EYS: variants seen among roughly 807,000 people sequenced by gnomAD.
EYS encodes the protein protein eyes shut homolog.
EYS carries 250 observed loss-of-function variants against 282.1 expected under a neutral mutation model. That is an observed-to-expected ratio of 0.89 (90% confidence interval 0.80 to 0.98). EYS has a LOEUF of 0.98. EYS is among the 50% of genes least tolerant of loss of function. EYS has a pLI of 0.00. For missense variants in EYS, 4,016 were observed against 3,709.0 expected (o/e 1.08, Z -2.15); for synonymous variants, 1,355 against 1,282.9 (o/e 1.06, Z -1.20).
chr6:65,639,589 A>G (rs1241954135), intron 2 of EYS, among the ~76,000 whole-genome samples, 189 bp downstream of exon 2: 1 of 152,194 alleles, frequency 6.6e-6, no homozygotes, highest in African/African-American at 2.4e-5. Flanking sequence ...GCGGATCTAA[A>G]GTGAATTTAA....
chr6:64,022,652 T>G (rs575024736), intron 33 of EYS, among the ~76,000 whole-genome samples: 1 of 152,218 alleles, frequency 6.6e-6, no homozygotes. Flanking sequence ...TGTTATTCTC[T>G]GCAAGCGTGG....
chr6:65,275,822 A>T (rs149051125), intron 12 of EYS, among the ~76,000 whole-genome samples: 19 of 152,300 alleles, frequency 1.2e-4, no homozygotes, highest in African/African-American at 3.6e-4. Context: ...AAACATTGTC[A>T]TCACAGAAGG....
At chr6:64,125,175 T>TCTCTCTCGCGCGCG (rs1562213596) in intron 31 of EYS, among the ~76,000 whole-genome samples, 1 of 150,304 alleles carries the variant, frequency 6.7e-6, no homozygotes, top group African/African-American at 2.5e-5. Context: ...TCTCTCTCTC[T>TCTCTCTCGCGCGCG]CGCTCTCTCT....
intron 26 of EYS, among the ~76,000 whole-genome samples, chr6:64,525,877 C>T (rs1777901065): frequency 6.6e-6 from 1 of 151,418 alleles, no homozygotes; most frequent in African/African-American, 2.4e-5. Context: ...GCATTCAAAC[C>T]CAGAGAAATG....
intron 2 of EYS, among the ~76,000 whole-genome samples, chr6:65,515,403 A>G (rs1160971369): frequency 6.6e-6 from 1 of 152,126 alleles, no homozygotes; most frequent in South Asian, 2.1e-4. Context: ...GGGATCTAGA[A>G]CTAGAAATAC....
chr6:64,509,902 T>G (rs1777330771), intron 26 of EYS, among the ~76,000 whole-genome samples: 1 of 152,196 alleles, frequency 6.6e-6, no homozygotes, highest in African/African-American at 2.4e-5. Flanking sequence ...TGTATGTTAA[T>G]TCCTCTCTCC....
In EYS at chr6:64,803,517, C is replaced by T. The variant is rs1049203581; in HGVS notation, c.3443+9861G>A. ...ACTGACAGCCTGGCCCCATGCTTCA[C>T]GCCTTCCCTGGCTTGAAGGTGGGGC... On this transcript the variant is annotated intron_variant, in intron 22 of 42. Coordinates refer to ENST00000503581, the MANE Select transcript of EYS (RefSeq NM_001142800.2). Among the ~76,000 whole-genome samples the T allele has an allele frequency of 1.2e-4, 18 of 152,298 alleles. No homozygotes were observed. In the South Asian group the frequency reaches 1.9e-3, roughly 16 times the overall value.
At chr6:63,998,804 T>G (rs186762267) in intron 34 of EYS, among the ~76,000 whole-genome samples, 2,065 of 151,928 alleles carry the variant, frequency 0.014, 43 homozygotes, top group African/African-American at 0.046. Flanking sequence ...TTTTTTTTTT[T>G]TTTAAAGTCA....
chr6:65,594,360 T>C (rs1765334053), intron 2 of EYS, among the ~76,000 whole-genome samples: 2 of 152,058 alleles, frequency 1.3e-5, no homozygotes, highest in South Asian at 4.1e-4. Flanking sequence ...TTTTTCTTTT[T>C]CATTTTGTAT....
intron 29 of EYS, among the ~76,000 whole-genome samples, chr6:64,375,575 A>G (rs1247967924): frequency 6.6e-6 from 1 of 152,210 alleles, no homozygotes; most frequent in African/African-American, 2.4e-5. Context: ...GATATGGCAG[A>G]TACTATCTAC....
chr6:64,813,257 T>C (rs1258751910), intron 22 of EYS, 121 bp downstream of exon 22: 4 of 629,818 alleles, frequency 6.4e-6, no homozygotes, highest in Non-Finnish European at 5.2e-6. Context: ...TGCTTATATA[T>C]ATATAAGGTA....
At chr6:64,329,843 C>A (rs555705317) in intron 29 of EYS, among the ~76,000 whole-genome samples, 1 of 152,232 alleles carries the variant, frequency 6.6e-6, no homozygotes, top group East Asian at 1.9e-4. Flanking sequence ...TTGTGTCCAA[C>A]CCATATACAA....
intron 13 of EYS, among the ~76,000 whole-genome samples, chr6:65,043,284 G>C (rs1023685578): frequency 6.6e-6 from 1 of 151,206 alleles, no homozygotes; most frequent in Non-Finnish European, 1.5e-5. Flanking sequence ...ATTTTATAAG[G>C]GTGAATTGTG....
intron 12 of EYS, among the ~76,000 whole-genome samples, chr6:65,058,582 T>A (rs916442740): frequency 1.3e-5 from 2 of 150,918 alleles, no homozygotes; most frequent in Non-Finnish European, 3.0e-5. Flanking sequence ...GATGAATTAC[T>A]TTTTTTCTAG....
chr6:65,214,499 T>C (rs907642031), intron 12 of EYS, among the ~76,000 whole-genome samples: 2 of 152,190 alleles, frequency 1.3e-5, no homozygotes, highest in African/African-American at 4.8e-5. Flanking sequence ...GTAGCAGAAG[T>C]TGGATCTTAA....
Position 64,306,990 on chromosome 6 carries a change from G to A in EYS, c.6171C>T (p.Asn2057=), listed in dbSNP as rs1769471328. ...TTTACCTGCAATTGTTAATGTGATA[G>A]TTTTTCACTGCCTTGGATGGAATGA... ...RSFIPSKAVK[N]YHINNCRSQG... The change falls in exon 30 of 43, where the codon AAC becomes AAT. Residue 2057 remains asparagine, a synonymous_variant. Transcript: ENST00000503581. 6.6e-7 allele frequency: 1 copy of A among 1,522,566 alleles called. No individual in the cohort carries two copies. Among genetic ancestry groups the A allele is most frequent in the Non-Finnish European group, 8.9e-7 (1 of 1,123,120 alleles). 94.3% of individuals were successfully genotyped at this position (1,522,566 alleles called of 1,614,324 possible).
At chr6:64,465,435 A>G (rs1173066871) in intron 26 of EYS, among the ~76,000 whole-genome samples, 4 of 152,168 alleles carry the variant, frequency 2.6e-5, no homozygotes, top group African/African-American at 4.8e-5. Flanking sequence ...AGAGAACAGA[A>G]CAGAGAGTCC....
intron 35 of EYS, among the ~76,000 whole-genome samples, chr6:63,946,726 A>ATT (rs10580253): frequency 2.1e-4 from 28 of 135,652 alleles, no homozygotes; most frequent in Non-Finnish European, 4.0e-4. Flanking sequence ...TTTATGAACT[A>ATT]TTTTTTTTTT....
chr6:64,088,596 G>GT (rs1398080635), intron 31 of EYS, among the ~76,000 whole-genome samples: 1 of 151,934 alleles, frequency 6.6e-6, no homozygotes, highest in Admixed American at 6.6e-5. Flanking sequence ...ACAGTATTGA[G>GT]TTTGAAATAA....
Sources: gnomAD v4.1 joint callset for allele counts (sites outside exome capture counted in the v4.1 genomes callset) on GRCh38, gnomAD v4.1.1 for gene constraint, MANE v1.5 for transcripts, NCBI Gene and HGNC (gene_info 2026-07-23, HGNC 2026-07-21) for gene names.